ZNF804B: variants seen among roughly 807,000 people sequenced by gnomAD.
The protein encoded by ZNF804B is zinc finger protein 804B, also known as zinc finger 804B.
Under a neutral mutation model 101.4 loss-of-function variants are expected in ZNF804B, and 80 were observed. The observed-to-expected ratio is 0.79, with a 90% CI of 0.66 to 0.95. The LOEUF is 0.95. Ranked by LOEUF, ZNF804B falls within the 40% of genes least tolerant of loss-of-function variation. The pLI, the probability that ZNF804B is intolerant of heterozygous loss-of-function variation, is 0.00. For synonymous variants in ZNF804B, 622 were observed against 558.8 expected (o/e 1.11, Z -1.59); for missense variants, 1,673 against 1,561.9 (o/e 1.07, Z -1.20).
At chr7:89,156,002 TCTTTCTTTCTCTCTTTC>T (rs1250352526) in intron 1 of ZNF804B, among the ~76,000 whole-genome samples, 15 of 128,870 alleles carry the variant, frequency 1.2e-4, no homozygotes, top group Admixed American at 3.2e-4. Flanking sequence ...CTTCTTTCTT[TCTTTCTTTCTCTCTTTC>T]CTTTCTTTCT....
At chr7:89,096,495 T>C (rs544215877) in intron 1 of ZNF804B, among the ~76,000 whole-genome samples, 3 of 152,336 alleles carry the variant, frequency 2.0e-5, no homozygotes, top group Non-Finnish European at 4.4e-5. Flanking sequence ...TTGGTTGTTT[T>C]TAGTGGTTGC....
rs1026585198 is a variant in ZNF804B at position 89,327,524 on chromosome 7, G to A, written c.380+50G>A. The A allele has an allele frequency of 5.7e-6, 9 of 1,578,180 alleles. No homozygotes were observed. In the Admixed American group the frequency reaches 1.2e-4, roughly 20 times the overall value. On this transcript the variant is annotated intron_variant, in intron 3 of 3. Transcript: ENST00000333190. ...GCTTCAAAACTCTCGTCAACCTATG[G>A]GGAAATTTTAAAGGCAAATCTACTG... is the stretch of plus-strand genomic sequence containing the variant.
At chr7:89,211,360 G>A (rs1409499163) in intron 1 of ZNF804B, among the ~76,000 whole-genome samples, 1 of 151,976 alleles carries the variant, frequency 6.6e-6, no homozygotes, top group Non-Finnish European at 1.5e-5. Flanking sequence ...CTGTGCAGAA[G>A]CTCTCTGATT....
At chr7:89,272,662 T>C (rs1789916110) in intron 2 of ZNF804B, among the ~76,000 whole-genome samples, 1 of 152,146 alleles carries the variant, frequency 6.6e-6, no homozygotes, top group Non-Finnish European at 1.5e-5. Flanking sequence ...AATGATCTTT[T>C]GAGCTTTATT....
chr7:88,944,585 A>C (rs2116053534), intron 1 of ZNF804B, among the ~76,000 whole-genome samples: 2 of 151,960 alleles, frequency 1.3e-5, no homozygotes, highest in South Asian at 2.1e-4. Context: ...ACACTAAAAA[A>C]TAATAATACA....
chr7:89,058,441 T>C (rs1789328707), intron 1 of ZNF804B, among the ~76,000 whole-genome samples: 1 of 152,168 alleles, frequency 6.6e-6, no homozygotes, highest in Non-Finnish European at 1.5e-5. Context: ...GGATTTTACT[T>C]TCTACACCTT....
At chr7:89,262,674 C>G (rs1479120357) in intron 2 of ZNF804B, among the ~76,000 whole-genome samples, 1 of 152,070 alleles carries the variant, frequency 6.6e-6, no homozygotes, top group South Asian at 2.1e-4. Flanking sequence ...GCTTGGTGCT[C>G]CAGAATATTT....
chr7:89,124,528 A>G (rs946328760), intron 1 of ZNF804B, among the ~76,000 whole-genome samples: 21 of 152,158 alleles, frequency 1.4e-4, no homozygotes, highest in African/African-American at 4.8e-4. Flanking sequence ...CAGGTATGTA[A>G]TATTTATCCA....
At chr7:88,870,651 G>A (rs1791808631) in intron 1 of ZNF804B, among the ~76,000 whole-genome samples, 1 of 152,066 alleles carries the variant, frequency 6.6e-6, no homozygotes, top group African/African-American at 2.4e-5. Flanking sequence ...CAGATTTTTA[G>A]CTGTCTGGGC....
chr7:89,187,069 A>T (rs1788385038), intron 1 of ZNF804B, among the ~76,000 whole-genome samples: 1 of 152,122 alleles, frequency 6.6e-6, no homozygotes. Context: ...TCAGCATTTT[A>T]TTTGCAAGAG....
chr7:88,797,516 C>T (rs1790504691), intron 1 of ZNF804B, among the ~76,000 whole-genome samples: 1 of 152,146 alleles, frequency 6.6e-6, no homozygotes, highest in Admixed American at 6.6e-5. Flanking sequence ...TATTTATTTC[C>T]AATTTCCAGT....
intron 1 of ZNF804B, among the ~76,000 whole-genome samples, chr7:89,017,681 G>A (rs1463949168): frequency 6.6e-6 from 1 of 151,942 alleles, no homozygotes; most frequent in Non-Finnish European, 1.5e-5. Flanking sequence ...ATTTTTGTGT[G>A]TTCATCAATT....
At chr7:89,213,830 A>G (rs1191242279) in intron 1 of ZNF804B, among the ~76,000 whole-genome samples, 1 of 152,212 alleles carries the variant, frequency 6.6e-6, no homozygotes, top group Admixed American at 6.5e-5. Flanking sequence ...TAATAATAGA[A>G]CATACTTCAT....
intron 1 of ZNF804B, among the ~76,000 whole-genome samples, chr7:89,151,000 T>A (rs1274554729): frequency 1.3e-5 from 2 of 152,120 alleles, no homozygotes; most frequent in African/African-American, 4.8e-5. Flanking sequence ...TTATTAAAAA[T>A]AAGATTGACT....
intron 1 of ZNF804B, among the ~76,000 whole-genome samples, chr7:89,089,847 A>G (rs1019023188): frequency 1.3e-5 from 2 of 152,112 alleles, no homozygotes; most frequent in African/African-American, 2.4e-5. Flanking sequence ...ATTATACTCA[A>G]TAATTCTCAG....
At chr7:89,037,125 A>C (rs900838000) in intron 1 of ZNF804B, among the ~76,000 whole-genome samples, 2 of 152,092 alleles carry the variant, frequency 1.3e-5, no homozygotes, top group African/African-American at 4.8e-5. Context: ...AATCATTCTA[A>C]CCAAAAAGAA....
chr7:88,875,514 A>C (rs1381370632), intron 1 of ZNF804B, among the ~76,000 whole-genome samples: 1 of 152,196 alleles, frequency 6.6e-6, no homozygotes, highest in Non-Finnish European at 1.5e-5. Context: ...AACTACCATC[A>C]GAGAATACTA....
In ZNF804B at chr7:89,306,504, A is replaced by AT. The variant is rs374110347; in HGVS notation, c.250-20834dup. Reference sequence around the variant, plus strand: ...CTCAACTGATCGTGTCTTTTATTTTATTTTTTCTAGAAGTATTGAAAGCTG... The same window carrying AT: ...CTCAACTGATCGTGTCTTTTATTTTATTTTTTTCTAGAAGTATTGAAAGCTG... On this transcript the variant is annotated intron_variant, in intron 2 of 3. Coordinates refer to ENST00000333190, the MANE Select transcript of ZNF804B (RefSeq NM_181646.5). 6.5e-4 allele frequency among the ~76,000 whole-genome samples: 88 copies of AT among 134,824 alleles called. 1 individual carries two copies. The highest frequency in any genetic ancestry group is 2.2e-3 in the African/African-American group (82 of 37,980). The allele number at this position is 134,824 out of a possible 152,430, so 88.4% of individuals were successfully genotyped here.
intron 1 of ZNF804B, among the ~76,000 whole-genome samples, chr7:89,101,006 TC>T (rs1470031746): frequency 6.6e-6 from 1 of 152,058 alleles, no homozygotes; most frequent in African/African-American, 2.4e-5. Context: ...CAAATGTAAT[TC>T]ATACCAAACC....
Sources: allele counts gnomAD v4.1 joint callset (sites outside exome capture counted in the v4.1 genomes callset), GRCh38; gene constraint gnomAD v4.1.1; transcripts MANE v1.5; gene names NCBI Gene and HGNC (gene_info 2026-07-23, HGNC 2026-07-21).